ATG10: variants seen among roughly 807,000 people sequenced by gnomAD.
ATG10 encodes the protein autophagy related 10.
Under a neutral mutation model 32.1 loss-of-function variants are expected in ATG10, and 30 were observed. The ratio of observed to expected loss-of-function variants is 0.94; its 90% CI spans 0.70 to 1.27. The LOEUF (loss-of-function observed/expected upper bound fraction) is 1.27, where lower values mean the gene tolerates loss of function less well. Among genes scored for constraint, ATG10 ranks in the 50% most tolerant of loss-of-function variants. ATG10 has a pLI of 0.00. For missense variants in ATG10, 233 were observed against 262.3 expected, an observed-to-expected ratio of 0.89 and a Z score of 0.77; for synonymous variants, 87 against 91.5, an observed-to-expected ratio of 0.95 and a Z score of 0.28.
At chr5:82,027,508 T>C (rs143262519) in intron 2 of ATG10, among the ~76,000 whole-genome samples, 7 of 152,328 alleles carry the variant, frequency 4.6e-5, no homozygotes, top group African/African-American at 7.2e-5. Flanking sequence ...TAAACAGATA[T>C]AAATGATTAC....
chr5:82,047,320 G>A (rs1239122807), intron 2 of ATG10, among the ~76,000 whole-genome samples: 1 of 151,912 alleles, frequency 6.6e-6, no homozygotes, highest in African/African-American at 2.4e-5. Context: ...TGGAAAACCC[G>A]ACAACAAACT....
chr5:82,017,061 G>T (rs1344448074), intron 2 of ATG10, among the ~76,000 whole-genome samples: 1 of 151,940 alleles, frequency 6.6e-6, no homozygotes, highest in Non-Finnish European at 1.5e-5. Flanking sequence ...CTACTTGTTT[G>T]TGTTGTCTAT....
chr5:82,005,336 C>G (rs1761961994), intron 2 of ATG10, among the ~76,000 whole-genome samples: 1 of 152,096 alleles, frequency 6.6e-6, no homozygotes, highest in African/African-American at 2.4e-5. Context: ...ACTCTTTCGC[C>G]GAGGCTGGAG....
At chr5:82,220,901 G>A (rs1295812434) in intron 5 of ATG10, among the ~76,000 whole-genome samples, 1 of 152,024 alleles carries the variant, frequency 6.6e-6, no homozygotes, top group Non-Finnish European at 1.5e-5. Context: ...GGGACTACAG[G>A]CACGTGCCAC....
intron 2 of ATG10, among the ~76,000 whole-genome samples, chr5:81,988,961 A>G (rs1169863327): frequency 6.6e-6 from 1 of 151,978 alleles, no homozygotes. Flanking sequence ...CCCAAGTAGT[A>G]GCTGGGATTT....
chr5:81,984,126 G>T (rs1048041506), intron 1 of ATG10, among the ~76,000 whole-genome samples: 5 of 152,252 alleles, frequency 3.3e-5, no homozygotes, highest in Non-Finnish European at 7.3e-5. Flanking sequence ...CTGCACTCCA[G>T]CCTGGGCACC....
At position 82,230,732 on chromosome 5, in the gene ATG10, CAAAAAAAAAA is replaced by C. The variant is rs397881697; in HGVS notation, c.454-21814_454-21805del. 4.0e-3 allele frequency among the ~76,000 whole-genome samples: 237 copies of C among 58,824 alleles called. 4 individuals carry two copies. Among genetic ancestry groups the C allele is most frequent in the Non-Finnish European group, 1.1e-3 (34 of 32,128 alleles). 38.6% of individuals were successfully genotyped at this position (58,824 alleles called of 152,430 possible). ...TGGGCAACAGAGTGAGACTCCGTCT[CAAAAAAAAAA>C]AAAAAAAAAAAAAAAGTATAAAACT... is the stretch of plus-strand genomic sequence containing the variant. On this transcript the variant is annotated intron_variant, in intron 5 of 7. Coordinates refer to ENST00000282185, the MANE Select transcript of ATG10 (RefSeq NM_031482.5).
chr5:82,234,269 C>A (rs1383033846), intron 5 of ATG10, among the ~76,000 whole-genome samples: 1 of 152,122 alleles, frequency 6.6e-6, no homozygotes, highest in Non-Finnish European at 1.5e-5. Flanking sequence ...TTTGAATTAC[C>A]TTTAGCTCAA....
chr5:82,085,965 A>G (rs1561291503), intron 3 of ATG10, among the ~76,000 whole-genome samples: 2 of 152,194 alleles, frequency 1.3e-5, no homozygotes, highest in African/African-American at 4.8e-5. Flanking sequence ...ATGGATTACA[A>G]TAGATAATAT....
chr5:82,102,064 T>G (rs1455956765), intron 3 of ATG10, among the ~76,000 whole-genome samples: 1 of 152,208 alleles, frequency 6.6e-6, no homozygotes, highest in Non-Finnish European at 1.5e-5. Context: ...CATAAAGTTC[T>G]GTGCCTTATG....
chr5:81,987,717 A>AT (rs770751963), intron 2 of ATG10, 39 bp downstream of exon 2: 3 of 1,519,346 alleles, frequency 2.0e-6, no homozygotes, highest in East Asian at 2.3e-5. Context: ...TCAAAAGAGG[A>AT]TTTTTTGTTT....
intron 5 of ATG10, among the ~76,000 whole-genome samples, chr5:82,200,688 T>C (rs78193716): frequency 0.023 from 3,473 of 150,970 alleles, 142 homozygotes; most frequent in African/African-American, 0.08. Context: ...TAGATTCTTT[T>C]ATATTCTTAT....
intron 3 of ATG10, among the ~76,000 whole-genome samples, chr5:82,140,884 A>C (rs1767093773): frequency 1.6e-5 from 1 of 62,554 alleles, no homozygotes; most frequent in South Asian, 6.3e-4. Context: ...CACTAAGAAA[A>C]ATTCCTCTGC....
At chr5:82,093,409 T>C (rs1764955157) in intron 3 of ATG10, among the ~76,000 whole-genome samples, 1 of 152,208 alleles carries the variant, frequency 6.6e-6, no homozygotes. Flanking sequence ...TCAGTCATTA[T>C]AGTTTTCATG....
At chr5:82,073,592 G>A (rs1393691512) in intron 3 of ATG10, 1 of 152,168 alleles carries the variant, frequency 6.6e-6, no homozygotes, top group East Asian at 1.9e-4. Context: ...CCCAAATACA[G>A]GAGTTGGGAG....
chr5:82,098,483 G>GT (rs1026426428), intron 3 of ATG10, among the ~76,000 whole-genome samples: 13 of 151,686 alleles, frequency 8.6e-5, no homozygotes, highest in East Asian at 1.9e-4. Flanking sequence ...GCTAATTTTT[G>GT]TTTTTTTAGT....
chr5:82,250,497 C>T (rs1371788226), intron 5 of ATG10, among the ~76,000 whole-genome samples: 3 of 152,128 alleles, frequency 2.0e-5, no homozygotes, highest in Non-Finnish European at 2.9e-5. Flanking sequence ...TGTATCCCCA[C>T]ATGATAGGAA....
intron 3 of ATG10, among the ~76,000 whole-genome samples, chr5:82,154,156 A>G (rs1400846127): frequency 6.6e-6 from 1 of 152,190 alleles, no homozygotes; most frequent in Non-Finnish European, 1.5e-5. Flanking sequence ...ATATTCTATG[A>G]CATTAAAATA....
chr5:82,022,816 A>T (rs895334926), intron 2 of ATG10, among the ~76,000 whole-genome samples: 5 of 151,972 alleles, frequency 3.3e-5, no homozygotes, highest in Non-Finnish European at 7.4e-5. Context: ...CATAGTATTT[A>T]TGTTCGAGGC....
Sources: allele counts gnomAD v4.1 joint callset (sites outside exome capture counted in the v4.1 genomes callset), GRCh38; gene constraint gnomAD v4.1.1; transcripts MANE v1.5; gene names NCBI Gene and HGNC (gene_info 2026-07-23, HGNC 2026-07-21).